TENM1: variants seen among roughly 807,000 people sequenced by gnomAD.
TENM1 encodes teneurin transmembrane protein 1.
TENM1 carries 35 observed loss-of-function variants against 174.8 expected under a neutral mutation model. The observed-to-expected ratio is 0.20, with a 90% confidence interval of 0.15 to 0.27. The LOEUF is 0.27. TENM1 is among the 10% of genes least tolerant of loss of function. The pLI is 1.00. For synonymous variants in TENM1, 781 were observed against 798.7 expected, an observed-to-expected ratio of 0.98 and a Z score of 0.37; for missense variants, 1,633 against 2,130.1, an observed-to-expected ratio of 0.77 and a Z score of 4.59.
intron 3 of TENM1, among the ~76,000 whole-genome samples, chrX:124,787,925 C>T (rs899128187): frequency 2.7e-5 from 3 of 111,877 alleles, no homozygotes; most frequent in Non-Finnish European, 5.6e-5. Flanking sequence ...ATTGGACTTA[C>T]AGTTCCACAT....
chrX:125,092,082 A>G, the TENM1 span, among the ~76,000 whole-genome samples: 53 of 110,050 alleles, frequency 4.8e-4, no homozygotes, highest in South Asian at 0.02. Flanking sequence ...ATAGAAAAAT[A>G]CCCTTAGGAA....
chrX:124,678,412 G>A (rs1407911972), intron 5 of TENM1, among the ~76,000 whole-genome samples: 1 of 111,325 alleles, frequency 9.0e-6, no homozygotes, highest in Non-Finnish European at 1.9e-5. Flanking sequence ...AGAGTAGGGA[G>A]CTGTGAAAAC....
rs767881573 is a variant in TENM1, at chrX:124,578,532, G to A, written c.2078-12972C>T. Among the ~76,000 whole-genome samples the A allele has an allele frequency of 7.2e-5, 8 of 111,260 alleles. No individual in the cohort carries two copies. The South Asian group carries it at 1.9e-3, about 27-fold the overall frequency. ...GCTTTGGTTTCCCATCTATAAAATC[G>A]GGTTGGTACAAGGAACAAATGAGTC... is the stretch of plus-strand genomic sequence containing the variant. On this transcript the variant is annotated intron_variant, in intron 11 of 31. Coordinates refer to ENST00000422452, the Ensembl canonical transcript of TENM1.
intron 17 of TENM1, among the ~76,000 whole-genome samples, chrX:124,522,307 T>A (rs137974540): frequency 1.5e-4 from 17 of 111,486 alleles, no homozygotes; most frequent in Non-Finnish European, 2.8e-4. Flanking sequence ...CAATTCTATC[T>A]TGGAGCATGC....
chrX:124,586,196 C>T (rs778237452), intron 11 of TENM1, among the ~76,000 whole-genome samples: 7 of 111,081 alleles, frequency 6.3e-5, no homozygotes, highest in African/African-American at 9.9e-5. Flanking sequence ...ATGAGGCCAG[C>T]ATCATCCTGA....
chrX:125,162,680 T>C, the TENM1 span, among the ~76,000 whole-genome samples: 7 of 111,990 alleles, frequency 6.3e-5, no homozygotes, highest in Non-Finnish European at 1.1e-4. Flanking sequence ...TATTGTTTTG[T>C]TTTGCTGGCT....
chrX:124,868,996 A>T, intron 3 of TENM1, among the ~76,000 whole-genome samples: 1 of 106,273 alleles, frequency 9.4e-6, no homozygotes. Flanking sequence ...AGGCCGAGGC[A>T]GGTGGATCAC....
At chrX:124,959,590 G>A (rs1161968839) in intron 1 of TENM1, among the ~76,000 whole-genome samples, 1 of 110,763 alleles carries the variant, frequency 9.0e-6, no homozygotes, top group Non-Finnish European at 1.9e-5. Context: ...CAACAGCCCA[G>A]ATCTGTTCTG....
At chrX:124,466,639 T>C (rs1026705454) in intron 22 of TENM1, among the ~76,000 whole-genome samples, 4 of 111,916 alleles carry the variant, frequency 3.6e-5, no homozygotes, top group African/African-American at 6.5e-5. Context: ...AGAAACATTT[T>C]AGGGTGCTAA....
chrX:124,983,744 C>T, the TENM1 span, among the ~76,000 whole-genome samples: 1 of 111,181 alleles, frequency 9.0e-6, no homozygotes, highest in African/African-American at 3.3e-5. Context: ...CCTCAGCCTC[C>T]TGAGTAGCTG....
chrX:125,062,472 G>A, the TENM1 span, among the ~76,000 whole-genome samples: 1 of 111,641 alleles, frequency 9.0e-6, no homozygotes, highest in Non-Finnish European at 1.9e-5. Context: ...AAAAAAGGCA[G>A]GACTGGAGAC....
chrX:125,038,766 G>A, the TENM1 span, among the ~76,000 whole-genome samples: 3 of 111,461 alleles, frequency 2.7e-5, no homozygotes, highest in East Asian at 8.5e-4. Context: ...TATACCAAAA[G>A]TGAATATTGG....
At chrX:124,816,421 C>A (rs1041146784) in intron 3 of TENM1, among the ~76,000 whole-genome samples, 29 of 111,844 alleles carry the variant, frequency 2.6e-4, no homozygotes, top group African/African-American at 7.1e-4. Flanking sequence ...TATCTTTAAG[C>A]ACTTGCTTTT....
At chrX:124,762,933 A>G (rs752718460) in intron 3 of TENM1, among the ~76,000 whole-genome samples, 2 of 111,006 alleles carry the variant, frequency 1.8e-5, no homozygotes, top group African/African-American at 6.5e-5. Context: ...TGTAGTCTTT[A>G]CTTGTGTAGT....
At chrX:124,395,547 G>GAGT (rs1214583952) in intron 27 of TENM1, among the ~76,000 whole-genome samples, 3 of 111,871 alleles carry the variant, frequency 2.7e-5, no homozygotes, top group African/African-American at 9.7e-5. Flanking sequence ...TTAATTCAGG[G>GAGT]AGTACAACCA....
intron 16 of TENM1, among the ~76,000 whole-genome samples, chrX:124,524,026 C>T (rs973357983): frequency 9.2e-6 from 1 of 109,230 alleles, no homozygotes; most frequent in African/African-American, 3.3e-5. Flanking sequence ...AGCTGCATAC[C>T]ACCATGCAAG....
exon 1 of TENM1, chrX:124,963,556 T>C (rs1179755567): frequency 1.7e-6 from 2 of 1,207,574 alleles, no homozygotes; most frequent in Non-Finnish European, 2.2e-6. Context: ...ATTTTTCTAC[T>C]TCTTTCCTCT....
intron 4 of TENM1, among the ~76,000 whole-genome samples, chrX:124,729,269 A>G (rs2053510458): frequency 8.9e-6 from 1 of 112,375 alleles, no homozygotes; most frequent in Non-Finnish European, 1.9e-5. Context: ...CCAGGCTATT[A>G]TACTGAATTG....
intron 6 of TENM1, among the ~76,000 whole-genome samples, chrX:124,655,483 T>C (rs1056170192): frequency 9.0e-6 from 1 of 111,696 alleles, no homozygotes; most frequent in African/African-American, 3.3e-5. Context: ...ACATCACCTT[T>C]ATTTTTTTCA....
Sources: gnomAD v4.1 joint callset for allele counts (sites outside exome capture counted in the v4.1 genomes callset) on GRCh38, gnomAD v4.1.1 for gene constraint, MANE v1.5 for transcripts, NCBI Gene and HGNC (gene_info 2026-07-23, HGNC 2026-07-21) for gene names.